The following KCTD8 variants were observed in gnomAD, a reference collection of about 807,000 sequenced individuals.
KCTD8 encodes potassium channel tetramerization domain containing 8.
Under a neutral mutation model 31.5 loss-of-function variants are expected in KCTD8, and 27 were observed. That is an observed-to-expected ratio of 0.86 (90% confidence interval 0.63 to 1.18). The LOEUF (loss-of-function observed/expected upper bound fraction) is 1.18. KCTD8 is among the 50% of genes most tolerant of loss of function. The pLI is 0.00. For missense variants in KCTD8, 658 were observed against 647.7 expected (o/e 1.02, Z -0.17); for synonymous variants, 290 against 280.0 (o/e 1.04, Z -0.36).
At chr4:44,411,377 CAAAAAA>C (rs781705203) in intron 1 of KCTD8, among the ~76,000 whole-genome samples, 1 of 50,726 alleles carries the variant, frequency 2.0e-5, no homozygotes, top group Non-Finnish European at 5.5e-5. Flanking sequence ...GAGCCTGTCT[CAAAAAA>C]AAAAAAAAAA....
chr4:44,218,888 C>A (rs74651587), intron 1 of KCTD8, among the ~76,000 whole-genome samples: 1 of 152,102 alleles, frequency 6.6e-6, no homozygotes, highest in Non-Finnish European at 1.5e-5. Context: ...ATGACACTGA[C>A]TTTCGTAACA....
At chr4:44,358,809 T>G (rs1234497530) in intron 1 of KCTD8, among the ~76,000 whole-genome samples, 1 of 152,126 alleles carries the variant, frequency 6.6e-6, no homozygotes, top group Non-Finnish European at 1.5e-5. Context: ...GACCTCATGA[T>G]CCACCCGCCT....
At chr4:44,386,312 A>G (rs1720209439) in intron 1 of KCTD8, among the ~76,000 whole-genome samples, 1 of 151,582 alleles carries the variant, frequency 6.6e-6, no homozygotes, top group Non-Finnish European at 1.5e-5. Flanking sequence ...CCATCCACAG[A>G]CAAATGAATA....
At chr4:44,342,013 T>G (rs1164325061) in intron 1 of KCTD8, among the ~76,000 whole-genome samples, 1 of 152,128 alleles carries the variant, frequency 6.6e-6, no homozygotes, top group Non-Finnish European at 1.5e-5. Flanking sequence ...ACAACATTAA[T>G]CTCTTTATAA....
At chr4:44,275,824 A>G (rs777082903) in intron 1 of KCTD8, among the ~76,000 whole-genome samples, 3 of 152,034 alleles carry the variant, frequency 2.0e-5, no homozygotes, top group Admixed American at 6.6e-5. Context: ...AGCAAAAGGT[A>G]TGGTAGTATA....
intron 1 of KCTD8, among the ~76,000 whole-genome samples, chr4:44,321,486 T>C (rs1718294366): frequency 6.6e-6 from 1 of 152,152 alleles, no homozygotes; most frequent in South Asian, 2.1e-4. Flanking sequence ...TGATATATCA[T>C]AATAGCTGTA....
At chr4:44,304,194 A>G (rs905774284) in intron 1 of KCTD8, among the ~76,000 whole-genome samples, 1 of 152,126 alleles carries the variant, frequency 6.6e-6, no homozygotes, top group African/African-American at 2.4e-5. Context: ...TTTTGTTTTT[A>G]TTAAGCCCAA....
intron 1 of KCTD8, among the ~76,000 whole-genome samples, chr4:44,278,891 T>C (rs1403106591): frequency 6.6e-6 from 1 of 152,038 alleles, no homozygotes; most frequent in African/African-American, 2.4e-5. Context: ...ATTTTCTTTA[T>C]TGATATGCTG....
At chr4:44,204,355 C>A (rs1229070535) in intron 1 of KCTD8, among the ~76,000 whole-genome samples, 2 of 152,126 alleles carry the variant, frequency 1.3e-5, no homozygotes, top group Non-Finnish European at 2.9e-5. Context: ...CGGCACCACA[C>A]CCTGGGCCTA....
At chr4:44,317,400 C>G (rs1396515794) in intron 1 of KCTD8, among the ~76,000 whole-genome samples, 2 of 143,480 alleles carry the variant, frequency 1.4e-5, no homozygotes, top group African/African-American at 2.8e-5. Context: ...CCACCGCACC[C>G]GGCTAATTTT....
At chr4:44,274,361 T>C (rs1320571380) in intron 1 of KCTD8, among the ~76,000 whole-genome samples, 1 of 151,878 alleles carries the variant, frequency 6.6e-6, no homozygotes, top group Non-Finnish European at 1.5e-5. Flanking sequence ...GCAAAAGTAA[T>C]TGCAGTTTTT....
chr4:44,353,612 C>T (rs542646075), intron 1 of KCTD8, among the ~76,000 whole-genome samples: 1 of 152,002 alleles, frequency 6.6e-6, no homozygotes, highest in East Asian at 1.9e-4. Context: ...ACCTCTTTAT[C>T]CCCCTTCTCA....
chr4:44,317,228 C>CTTTTTTTTTTTTTTTTTTTTTTTTT lies in KCTD8; in HGVS notation c.961+130334_961+130335insAAAAAAAAAAAAAAAAAAAAAAAAA, dbSNP rs760060899. On this transcript the variant is annotated intron_variant, in intron 1 of 1. Transcript: ENST00000360029. ...TTTATGTATTGCCTATGGGTGCTTT[C>CTTTTTTTTTTTTTTTTTTTTTTTTT]TTTTTTTTTTTTTTTTTTTTTTGAG... Among the ~76,000 whole-genome samples the CTTTTTTTTTTTTTTTTTTTTTTTTT allele has an allele frequency of 3.0e-4, 11 of 36,534 alleles. 3 individuals are homozygous for CTTTTTTTTTTTTTTTTTTTTTTTTT. Among genetic ancestry groups the CTTTTTTTTTTTTTTTTTTTTTTTTT allele is most frequent in the Admixed American group, 9.8e-4 (2 of 2,038 alleles). The allele number at this position is 36,534 out of a possible 152,430, so 24.0% of individuals were successfully genotyped here. A position where few individuals can be genotyped will look rare whatever the true frequency, so the allele number is the denominator to read the frequency against.
chr4:44,247,113 C>A (rs1715689639), intron 1 of KCTD8, among the ~76,000 whole-genome samples: 1 of 151,978 alleles, frequency 6.6e-6, no homozygotes. Context: ...TCATTGTCAC[C>A]ACCTAAGCGG....
intron 1 of KCTD8, among the ~76,000 whole-genome samples, chr4:44,409,981 G>C (rs1160444853): frequency 6.6e-6 from 1 of 152,080 alleles, no homozygotes; most frequent in Non-Finnish European, 1.5e-5. Flanking sequence ...AATTGCTTCA[G>C]GGGTATCACT....
chr4:44,271,461 G>A (rs1716596985), intron 1 of KCTD8, among the ~76,000 whole-genome samples: 1 of 152,120 alleles, frequency 6.6e-6, no homozygotes, highest in South Asian at 2.1e-4. Context: ...AGTTTACTGA[G>A]TGTGTGACTG....
rs182105571 is a variant in KCTD8 at position 44,230,991 on chromosome 4, G to A, written c.962-55741C>T. Among the ~76,000 whole-genome samples, 39 of 152,156 alleles carry A rather than the reference G, an allele frequency of 2.6e-4. No homozygotes were observed. In the East Asian group the frequency reaches 5.4e-3, roughly 21 times the overall value. ...CAAATACCCTGAAAAAATCGATTTC[G>A]CTGGCAAATTTATAAATTTGGTCCT... On this transcript the variant is annotated intron_variant, in intron 1 of 1. Transcript: ENST00000360029.
chr4:44,193,186 T>G (rs1337947618), intron 1 of KCTD8, among the ~76,000 whole-genome samples: 1 of 152,200 alleles, frequency 6.6e-6, no homozygotes, highest in East Asian at 1.9e-4. Flanking sequence ...CAAGTAAAGT[T>G]ATAATATTTA....
Position 44,386,662 on chromosome 4 carries a change from T to C in KCTD8, c.961+60901A>G, listed in dbSNP as rs538430734. ...CACTGTTGGCGGGAATGTAAGTCAG[T>C]ATAACCACTAGGGAGAACAGTTTGG... is the stretch of plus-strand genomic sequence containing the variant. On this transcript the variant is annotated intron_variant, in intron 1 of 1. Coordinates refer to ENST00000360029, the MANE Select transcript of KCTD8 (RefSeq NM_198353.3). Among the ~76,000 whole-genome samples the C allele has an allele frequency of 1.1e-4, 16 of 151,548 alleles. No individual in the cohort carries two copies. The South Asian group carries it at 3.3e-3, about 31-fold the overall frequency.
Sources: allele counts gnomAD v4.1 joint callset (sites outside exome capture counted in the v4.1 genomes callset), GRCh38; gene constraint gnomAD v4.1.1; transcripts MANE v1.5; gene names NCBI Gene and HGNC (gene_info 2026-07-23, HGNC 2026-07-21).